Variants in SNTG1 observed in about 807,000 individuals in gnomAD.
SNTG1 encodes syntrophin gamma 1, also known as gamma-1-syntrophin.
Under a neutral mutation model 74.7 loss-of-function variants are expected in SNTG1, and 39 were observed. That is an observed-to-expected ratio of 0.52 (90% CI 0.40 to 0.68). The LOEUF is 0.68. Among genes scored for constraint, SNTG1 ranks in the 30% least tolerant of loss-of-function variants. The probability of loss-of-function intolerance (pLI) is 0.00; values close to 1 mark genes in which losing one functional copy is unlikely to be tolerated. For synonymous variants in SNTG1, 254 were observed against 217.1 expected (o/e 1.17, Z -1.49); for missense variants, 685 against 609.5 (o/e 1.12, Z -1.30).
At chr8:50,551,303 G>T (rs1212512746) in intron 11 of SNTG1, among the ~76,000 whole-genome samples, 1 of 152,108 alleles carries the variant, frequency 6.6e-6, no homozygotes, top group East Asian at 1.9e-4. Context: ...AAAGTGATAT[G>T]TATTAACTTA....
At chr8:50,394,162 C>G (rs1227313641) in intron 2 of SNTG1, 50 bp from the exon 3 acceptor site, 1 of 1,473,052 alleles carries the variant, frequency 6.8e-7, no homozygotes, top group African/African-American at 1.4e-5. Context: ...AGTGTTCTCT[C>G]TTACATGCCA....
chr8:49,920,679 T>C (rs1459975110), intron 1 of SNTG1, among the ~76,000 whole-genome samples: 1 of 152,090 alleles, frequency 6.6e-6, no homozygotes, highest in Non-Finnish European at 1.5e-5. Context: ...ATCTTGATCT[T>C]AATCTTATAC....
Position 49,961,557 on chromosome 8 carries a change from C to A in SNTG1, c.-103+49326C>A, listed in dbSNP as rs539867976. Among the ~76,000 whole-genome samples, 5 of 152,262 alleles carry A rather than the reference C, an allele frequency of 3.3e-5. No homozygotes were observed. The South Asian group carries it at 6.2e-4, about 19-fold the overall frequency. On this transcript the variant is annotated intron_variant, in intron 1 of 18. Coordinates refer to ENST00000642720, the MANE Select transcript of SNTG1 (RefSeq NM_018967.5). ...GAAGGTCTGTGTTTGCAATGATTAC[C>A]TTGCTAAATAAAAACTTCTGAGTAT...
intron 8 of SNTG1, among the ~76,000 whole-genome samples, chr8:50,454,584 G>C (rs986373794): frequency 6.6e-6 from 1 of 152,070 alleles, no homozygotes; most frequent in African/African-American, 2.4e-5. Flanking sequence ...GCTCACGCCT[G>C]TAATCCCAGC....
intron 15 of SNTG1, among the ~76,000 whole-genome samples, chr8:50,686,487 G>T (rs752949503): frequency 2.0e-5 from 3 of 152,122 alleles, no homozygotes; most frequent in South Asian, 4.1e-4. Flanking sequence ...TAAGAAGAAG[G>T]AGGAAATTTA....
In SNTG1 at chr8:50,438,563, A is replaced by T; in HGVS notation, c.183A>T (p.Arg61Ser). ...FYSGERTVTI[R>S]RQTVGGFGLS... is the part of the protein sequence containing the mutation. The stretch of plus-strand genomic sequence containing the variant: ...TTCAGGAAAGAACGGTGACCATCAG[A>T]AGACAAACAGTAGGAGGATTTGGAT... Residue 61 changes from arginine to serine, a missense_variant, in exon 5 of 19, where the codon AGA becomes AGT. Transcript: ENST00000642720. 6.2e-7 allele frequency: 1 copy of T among 1,613,390 alleles called. No individual in the cohort carries two copies. The highest frequency in any genetic ancestry group is 8.5e-7 in the Non-Finnish European group (1 of 1,179,616).
intron 10 of SNTG1, among the ~76,000 whole-genome samples, chr8:50,536,263 G>T (rs945891177): frequency 3.3e-5 from 5 of 152,124 alleles, no homozygotes; most frequent in South Asian, 4.1e-4. Context: ...ACTTATGATT[G>T]TGCTTGGCAC....
rs2131645288 is a variant in SNTG1 at position 50,455,155 on chromosome 8, G to A, written c.363+4426G>A. Among the ~76,000 whole-genome samples the A allele has an allele frequency of 3.9e-5, 6 of 152,240 alleles. 2 individuals carry two copies. In the South Asian group the frequency reaches 1.2e-3, roughly 32 times the overall value. On this transcript the variant is annotated intron_variant, in intron 8 of 18. Transcript: ENST00000642720. ...ATTTAACTATAGCAGAAAAGTATTT[G>A]TTGAGTAAAAAGCATCCTGGTTCTA...
chr8:50,734,772 TATATATA>T (rs2095522147), intron 17 of SNTG1, among the ~76,000 whole-genome samples: 1 of 101,758 alleles, frequency 9.8e-6, no homozygotes, highest in East Asian at 2.5e-4. Context: ...TATATGGACA[TATATATA>T]GATATCTATA....
chr8:50,205,666 C>G (rs1310750402), intron 2 of SNTG1, among the ~76,000 whole-genome samples: 8 of 151,948 alleles, frequency 5.3e-5, no homozygotes, highest in Admixed American at 1.3e-4. Context: ...GAATGGTATT[C>G]CCTAGGTTTT....
chr8:50,132,040 T>C (rs1360952593), intron 1 of SNTG1, among the ~76,000 whole-genome samples: 1 of 152,122 alleles, frequency 6.6e-6, no homozygotes, highest in East Asian at 1.9e-4. Flanking sequence ...AGTCTATTTT[T>C]CTGTTTCTAT....
chr8:50,387,141 C>T (rs937766369), intron 2 of SNTG1, among the ~76,000 whole-genome samples: 1 of 152,156 alleles, frequency 6.6e-6, no homozygotes, highest in Admixed American at 6.6e-5. Context: ...CTGCCTTGGC[C>T]CTGATTTCCA....
intron 1 of SNTG1, among the ~76,000 whole-genome samples, chr8:49,935,523 CAAAAAAAAAAAAAAAAG>C (rs1045572963): frequency 1.3e-5 from 1 of 75,650 alleles, no homozygotes; most frequent in Non-Finnish European, 3.0e-5. Context: ...AGATGTAAAC[CAAAAAAAAAAAAAAAAG>C]AAAAAGAAAA....
chr8:50,096,437 G>A (rs1251754220), intron 1 of SNTG1, among the ~76,000 whole-genome samples: 1 of 152,166 alleles, frequency 6.6e-6, no homozygotes. Context: ...AGGCGATGGG[G>A]AATTTGTCAG....
chr8:50,140,548 G>T (rs1266991797), intron 1 of SNTG1, among the ~76,000 whole-genome samples: 2 of 152,016 alleles, frequency 1.3e-5, no homozygotes, highest in Non-Finnish European at 2.9e-5. Flanking sequence ...AACTGTGTAT[G>T]AGAATGTTCA....
intron 4 of SNTG1, among the ~76,000 whole-genome samples, chr8:50,430,783 G>C (rs573131467): frequency 3.2e-4 from 49 of 152,204 alleles, no homozygotes; most frequent in South Asian, 1.0e-3. Context: ...TCCAGAAAAG[G>C]CAAGAATGAC....
intron 2 of SNTG1, among the ~76,000 whole-genome samples, chr8:50,239,802 T>C (rs1161927471): frequency 6.6e-6 from 1 of 152,242 alleles, no homozygotes; most frequent in African/African-American, 2.4e-5. Context: ...TATGCTATTG[T>C]TTCATTTATT....
At chr8:50,593,443 T>C (rs1157264545) in intron 13 of SNTG1, among the ~76,000 whole-genome samples, 1 of 152,098 alleles carries the variant, frequency 6.6e-6, no homozygotes, top group Non-Finnish European at 1.5e-5. Flanking sequence ...TTAATCATGA[T>C]TTTTTAAATA....
rs563129198 is a variant in SNTG1 at position 50,270,775 on chromosome 8, T to A, written c.-28+98140T>A. ...CAAAAGGCTTAGCACATATTGATTC[T>A]GAGTGTAAAAGAGAAAGAAAGACCT... On this transcript the variant is annotated intron_variant, in intron 2 of 18. Coordinates refer to ENST00000642720, the MANE Select transcript of SNTG1 (RefSeq NM_018967.5). Among the ~76,000 whole-genome samples, 33 of 152,316 alleles carry A rather than the reference T, an allele frequency of 2.2e-4. No homozygotes were observed. The South Asian group carries it at 4.3e-3, about 20-fold the overall frequency.
Sources: allele counts gnomAD v4.1 joint callset (sites outside exome capture counted in the v4.1 genomes callset), GRCh38; gene constraint gnomAD v4.1.1; transcripts MANE v1.5; gene names NCBI Gene and HGNC (gene_info 2026-07-23, HGNC 2026-07-21).